Variants in PRX observed in about 807,000 individuals in gnomAD.
PRX encodes the protein periaxin.
In PRX, 24 loss-of-function variants were observed where a neutral mutation model predicts 29.6. The observed-to-expected ratio is 0.81, with a 90% CI of 0.59 to 1.14. PRX has a LOEUF of 1.14. Ranked by LOEUF, PRX falls within the 50% of genes most tolerant of loss-of-function variation. The probability of loss-of-function intolerance (pLI) is 0.00; values close to 1 mark genes in which losing one functional copy is unlikely to be tolerated. For synonymous variants in PRX, 772 were observed against 831.7 expected (o/e 0.93, Z 1.24); for missense variants, 1,838 against 1,926.4 (o/e 0.95, Z 0.86).
intron 5 of PRX, among the ~76,000 whole-genome samples, chr19:40,401,538 C>T (rs935191577): frequency 1.3e-5 from 2 of 152,172 alleles, no homozygotes; most frequent in African/African-American, 4.8e-5. Context: ...GAATAAAAGC[C>T]AAAGTCTTAT....
At chr19:40,406,776 T>C (rs969789652) in intron 4 of PRX, among the ~76,000 whole-genome samples, 1 of 131,820 alleles carries the variant, frequency 7.6e-6, no homozygotes, top group African/African-American at 4.0e-5. Context: ...CATTTCTTTT[T>C]TTTTTTTTTT....
Position 40,398,573 on chromosome 19 carries a change from G to A in PRX, c.381+47C>T, listed in dbSNP as rs1419241417. The A allele has an allele frequency of 5.6e-6, 9 of 1,607,958 alleles. No homozygotes were observed. The highest frequency in any genetic ancestry group is 7.6e-6 in the Non-Finnish European group (9 of 1,177,738). ...GAATGGGGCTCACGGCGCAGAGACC[G>A]GATCGCTGGGGCAGTCCAGGGCCGG... is the stretch of plus-strand genomic sequence containing the variant. On this transcript the variant is annotated intron_variant, in intron 6 of 6. Coordinates refer to ENST00000324001, the MANE Select transcript of PRX (RefSeq NM_181882.3). This position sits in a 1 kb window ranked among gnomAD's most constrained non-coding sequence, Gnocchi z 6.3.
rs903097017 is a variant in PRX at position 40,395,260 on chromosome 19, C to T, written c.3092G>A (p.Arg1031Gln). Residue 1031 changes from arginine (R) to glutamine (Q), a missense_variant, in exon 7 of 7, where the codon CGG becomes CAG. Transcript: ENST00000324001. ...FALPKFGVRG[R>Q]DTEAAELVPG... ...CACTAGTTCTGCTGCCTCAGTGTCCCGGCCTCTGACCCCAAACTTGGGGAG... is the reference window on the plus strand; with the variant it reads ...CACTAGTTCTGCTGCCTCAGTGTCCTGGCCTCTGACCCCAAACTTGGGGAG... 12 of 1,613,774 alleles carry T rather than the reference C, an allele frequency of 7.4e-6. No homozygotes were observed. The highest frequency in any genetic ancestry group is 6.7e-5 in the Admixed American group (4 of 59,996).
At chr19:40,407,605 C>T in intron 4 of PRX, 2 of 546,698 alleles carry the variant, frequency 3.7e-6, no homozygotes, top group South Asian at 4.2e-5. Context: ...CTGGCATATG[C>T]TGCCTCTTCT....
rs1333054291 is a variant in PRX at position 40,395,643 on chromosome 19, A to G, written c.2709T>C (p.Ile903=). The change falls in exon 7 of 7, where the codon ATT becomes ATC. Residue 903 remains isoleucine, a synonymous_variant. Coordinates refer to ENST00000324001, the MANE Select transcript of PRX (RefSeq NM_181882.3). Reference sequence around the variant, plus strand: ...CCACGGCGGGCAGCTGTGGGGTGACAATTTCAACAGAGGGCACTCGGAAGC... The same window carrying G: ...CCACGGCGGGCAGCTGTGGGGTGACGATTTCAACAGAGGGCACTCGGAAGC... ...EVGFRVPSVE[I]VTPQLPAVEI... 8 of 1,613,960 alleles carry G rather than the reference A, an allele frequency of 5.0e-6. No homozygotes were observed. Among genetic ancestry groups the G allele is most frequent in the African/African-American group, 1.3e-5 (1 of 74,882 alleles).
chr19:40,400,694 C>T (rs944365048), intron 5 of PRX, among the ~76,000 whole-genome samples: 2 of 151,424 alleles, frequency 1.3e-5, no homozygotes, highest in Admixed American at 6.6e-5. Flanking sequence ...AACTTCCAGG[C>T]TCCAGCGATC....
Position 40,397,400 on chromosome 19 carries a change from C to T in PRX, c.952G>A (p.Ala318Thr), listed in dbSNP as rs765313807. ...TLPCLETREG[A>T]VSVVVPTLDV... ...AGGGTGGGCACCACTACCGACACAG[C>T]CCCTTCCCGGGTCTCTAGGCAGGGA... The change falls in exon 7 of 7, where the codon GCT becomes ACT. Residue 318 changes from alanine to threonine, a missense_variant. By Grantham distance (58) the Ala-to-Thr change is moderately conservative. Around this residue, in one of 3 missense-constraint regions of PRX, gnomAD observed 666 missense variants for 665.0 expected, o/e 1.00. Coordinates refer to ENST00000324001, the MANE Select transcript of PRX (RefSeq NM_181882.3). 1.2e-6 allele frequency: 2 copies of T among 1,611,568 alleles called. No homozygotes were observed. The highest frequency in any genetic ancestry group is 1.7e-6 in the Non-Finnish European group (2 of 1,179,458).
chr19:40,406,341 G>C (rs920707780), intron 4 of PRX, among the ~76,000 whole-genome samples: 4 of 151,848 alleles, frequency 2.6e-5, no homozygotes, highest in African/African-American at 9.7e-5. Context: ...GCCTCCCAGA[G>C]TGTTGGGATT....
chr19:40,414,182 G>T (rs1325163862), upstream of PRX, among the ~76,000 whole-genome samples: 1 of 152,078 alleles, frequency 6.6e-6, no homozygotes, highest in African/African-American at 2.4e-5. Flanking sequence ...GAGTGCAGTG[G>T]TGTGATCATG....
chr19:40,403,908 C>G (rs1261681121), intron 4 of PRX, 46 bp from the exon 5 acceptor site: 2 of 1,588,020 alleles, frequency 1.3e-6, no homozygotes, highest in East Asian at 4.6e-5. Flanking sequence ...AGGGCCGGAC[C>G]TCGCCCAGAG....
Position 40,396,350 on chromosome 19 carries a change from G to A in PRX, c.2002C>T (p.Pro668Ser). 6.2e-7 allele frequency: 1 copy of A among 1,612,452 alleles called. No homozygotes were observed. The highest frequency in any genetic ancestry group is 8.5e-7 in the Non-Finnish European group (1 of 1,179,818). Reference protein sequence around the residue: ...QLPKVPEMKLPKMPEMAVPEV... With the variant: ...QLPKVPEMKLSKMPEMAVPEV... ...GGCACAGCCATCTCAGGCATTTTAG[G>A]GAGTTTCATCTCTGGGACTTTCGGG... Residue 668 changes from proline (P) to serine (S), a missense_variant, in exon 7 of 7, where the codon CCT becomes TCT. This residue lies in a region of PRX where 1,143 missense variants were observed against 1,193.0 expected (regional missense o/e 0.96). Coordinates refer to ENST00000324001, the MANE Select transcript of PRX (RefSeq NM_181882.3).
chr19:40,412,884 T>TA (rs962544979), intron 1 of PRX, among the ~76,000 whole-genome samples: 16 of 152,038 alleles, frequency 1.1e-4, no homozygotes, highest in Admixed American at 4.6e-4. Flanking sequence ...CCCAGCTAAT[T>TA]AAAAAAAATT....
chr19:40,403,933 C>T lies in PRX; in HGVS notation c.28-71G>A, dbSNP rs2030496444. On this transcript the variant is annotated intron_variant, in intron 4 of 6. Coordinates refer to ENST00000324001, the MANE Select transcript of PRX (RefSeq NM_181882.3). ...CTCGCCCAGAGCCCGCCATTGCGCT[C>T]AACAGTGGCTCATATACATATATAT... 5.2e-6 allele frequency: 8 copies of T among 1,530,296 alleles called. No homozygotes were observed. The South Asian group carries it at 9.3e-5, about 18-fold the overall frequency. The allele number at this position is 1,530,296 out of a possible 1,614,324, so 94.8% of individuals were successfully genotyped here.
upstream of PRX, among the ~76,000 whole-genome samples, chr19:40,413,708 T>C (rs2079569786): frequency 6.6e-6 from 1 of 152,172 alleles, no homozygotes; most frequent in Non-Finnish European, 1.5e-5. Context: ...GCCTCTACTG[T>C]AAACTCCTTT....
rs1342975046 is a variant in PRX, at chr19:40,393,922, T to C, written c.*44A>G. ...TATCACACACACAACAGCGAGGGGG[T>C]AGAGAAAGGAAGGCAAGAAGGGATC... On this transcript the variant is annotated 3_prime_UTR_variant, in exon 7 of 7. Coordinates refer to ENST00000324001, the MANE Select transcript of PRX (RefSeq NM_181882.3). The C allele has an allele frequency of 6.2e-7, 1 of 1,602,320 alleles. No homozygotes were observed. Among genetic ancestry groups the C allele is most frequent in the Non-Finnish European group, 8.5e-7 (1 of 1,179,476 alleles).
In PRX at chr19:40,398,103, C is replaced by T; in HGVS notation, c.382-133G>A. On this transcript the variant is annotated intron_variant, in intron 6 of 6. Coordinates refer to ENST00000324001, the MANE Select transcript of PRX (RefSeq NM_181882.3). This position sits in a 1 kb window ranked among gnomAD's most constrained non-coding sequence, Gnocchi z 6.3. ...GTATCTTGTTCCCCAAACATCATCC[C>T]CACTTCTTGCCTGTCATTTCACCAT... 3.5e-6 allele frequency: 5 copies of T among 1,444,412 alleles called. No homozygotes were observed. Among genetic ancestry groups the T allele is most frequent in the Non-Finnish European group, 4.5e-6 (5 of 1,100,914 alleles). The allele number at this position is 1,444,412 out of a possible 1,614,324, so 89.5% of individuals were successfully genotyped here. A position where few individuals can be genotyped will look rare whatever the true frequency, so the allele number is the denominator to read the frequency against.
At chr19:40,399,909 C>CTTTT (rs1360411753) in intron 5 of PRX, among the ~76,000 whole-genome samples, 1 of 97,194 alleles carries the variant, frequency 1.0e-5, no homozygotes, top group Admixed American at 1.1e-4. Flanking sequence ...CTTTCTTTTT[C>CTTTT]TTTCTTTCTT....
intron 4 of PRX, among the ~76,000 whole-genome samples, chr19:40,406,030 T>C (rs1314506339): frequency 6.6e-6 from 1 of 150,862 alleles, no homozygotes; most frequent in Admixed American, 6.6e-5. Flanking sequence ...GAGGATCACC[T>C]GAGGTCAGGA....
rs889462287 is a variant in PRX at position 40,397,218 on chromosome 19, G to A, written c.1134C>T (p.Ala378=). The A allele has an allele frequency of 1.9e-6, 3 of 1,613,946 alleles. No individual in the cohort carries two copies. Among genetic ancestry groups the A allele is most frequent in the Non-Finnish European group, 1.7e-6 (2 of 1,180,026 alleles). ...RAKEVAEAKV[A]KVSPEARVKG... is the part of the protein sequence containing the mutation. ...TCACCCTGGCCTCAGGGCTGACCTTGGCTACCTTGGCCTCAGCAACTTCCT... is the reference window on the plus strand; with the variant it reads ...TCACCCTGGCCTCAGGGCTGACCTTAGCTACCTTGGCCTCAGCAACTTCCT... Residue 378 remains alanine, a synonymous_variant, in exon 7 of 7, where the codon GCC becomes GCT. Transcript: ENST00000324001.
Sources: allele counts gnomAD v4.1 joint callset (sites outside exome capture counted in the v4.1 genomes callset), GRCh38; gene constraint gnomAD v4.1.1; regional missense constraint gnomAD v4.1.1; non-coding constraint Gnocchi (gnomAD v3.1); transcripts MANE v1.5; gene names NCBI Gene and HGNC (gene_info 2026-07-23, HGNC 2026-07-21).